Variants in DACH1 observed in about 807,000 individuals in gnomAD.
The protein encoded by DACH1 is dachshund family transcription factor 1.
DACH1 carries 12 observed loss-of-function variants against 54.2 expected under a neutral mutation model. The observed-to-expected ratio is 0.22, with a 90% CI of 0.14 to 0.36. The LOEUF (loss-of-function observed/expected upper bound fraction) is 0.36. Among genes scored for constraint, DACH1 ranks in the 10% least tolerant of loss-of-function variants. The probability of loss-of-function intolerance (pLI) is 1.00; values close to 1 mark genes in which losing one functional copy is unlikely to be tolerated. For missense variants in DACH1, 805 were observed against 929.8 expected, an observed-to-expected ratio of 0.87 and a Z score of 1.75; for synonymous variants, 386 against 366.2, an observed-to-expected ratio of 1.05 and a Z score of -0.62.
intron 1 of DACH1, among the ~76,000 whole-genome samples, chr13:71,799,172 A>G (rs1260474051): frequency 1.3e-5 from 2 of 152,160 alleles, no homozygotes; most frequent in African/African-American, 4.8e-5. Context: ...ACAGGCCCAG[A>G]AGTGTTTATT....
At chr13:71,748,529 T>A (rs1884709627) in intron 1 of DACH1, among the ~76,000 whole-genome samples, 1 of 152,156 alleles carries the variant, frequency 6.6e-6, no homozygotes, top group African/African-American at 2.4e-5. Context: ...TTTTCCATCA[T>A]CCCCAGAACA....
chr13:71,507,248 C>T (rs1445681015), intron 6 of DACH1, among the ~76,000 whole-genome samples: 4 of 152,088 alleles, frequency 2.6e-5, no homozygotes, highest in Admixed American at 6.6e-5. Context: ...TGGGAATCCT[C>T]ATAAATATAG....
intron 1 of DACH1, among the ~76,000 whole-genome samples, chr13:71,804,678 C>T (rs1256706648): frequency 2.0e-5 from 3 of 152,096 alleles, no homozygotes; most frequent in Non-Finnish European, 4.4e-5. Context: ...TCTGGAATGC[C>T]ATTAGCTCCA....
intron 3 of DACH1, among the ~76,000 whole-genome samples, chr13:71,628,849 T>C (rs773676310): frequency 7.2e-5 from 11 of 152,090 alleles, no homozygotes; most frequent in Non-Finnish European, 1.5e-4. Flanking sequence ...CAACTTCTGC[T>C]CTGGAAAATT....
intron 4 of DACH1, among the ~76,000 whole-genome samples, chr13:71,567,167 G>A (rs1884941429): frequency 6.6e-6 from 1 of 151,646 alleles, no homozygotes; most frequent in South Asian, 2.1e-4. Flanking sequence ...CACACACAGA[G>A]ACACATAACA....
At chr13:71,630,841 T>C in intron 2 of DACH1, 124 bp from the exon 3 acceptor site, 1 of 1,139,180 alleles carries the variant, frequency 8.8e-7, no homozygotes, top group Non-Finnish European at 1.2e-6. Context: ...TGCAACACTT[T>C]GATAACTTAT....
chr13:71,638,096 G>A (rs139114298), intron 2 of DACH1, among the ~76,000 whole-genome samples: 34 of 152,268 alleles, frequency 2.2e-4, no homozygotes, highest in African/African-American at 7.9e-4. Flanking sequence ...CCATATGATA[G>A]ACTTGTTATT....
chr13:71,747,213 A>T (rs78040251), intron 1 of DACH1, among the ~76,000 whole-genome samples: 8,985 of 152,076 alleles, frequency 0.059, 465 homozygotes, highest in East Asian at 0.24. Flanking sequence ...TAGATCATGT[A>T]ATGTAGTCCA....
chr13:71,442,608 C>T (rs1874104116), intron 10 of DACH1, among the ~76,000 whole-genome samples: 3 of 152,074 alleles, frequency 2.0e-5, no homozygotes, highest in Admixed American at 2.0e-4. Context: ...TACAGTAGTC[C>T]TCCCTTATCT....
At chr13:71,698,535 A>C (rs1881947132) in intron 1 of DACH1, among the ~76,000 whole-genome samples, 1 of 152,124 alleles carries the variant, frequency 6.6e-6, no homozygotes, top group South Asian at 2.1e-4. Context: ...ATAATGAGAG[A>C]GAGAGAGAGA....
In DACH1 at chr13:71,617,900, A is replaced by G. The variant is rs900273845; in HGVS notation, c.1126+12656T>C. Among the ~76,000 whole-genome samples, 5 of 152,326 alleles carry G rather than the reference A, an allele frequency of 3.3e-5. No individual in the cohort carries two copies. In the East Asian group the frequency reaches 9.6e-4, roughly 29 times the overall value. Reference sequence around the variant, plus strand: ...ATTTTTAAAAAAAATACTTAGCAGTAGCCTTTTAAAATAATTTCTGCGTTC... The same window carrying G: ...ATTTTTAAAAAAAATACTTAGCAGTGGCCTTTTAAAATAATTTCTGCGTTC... On this transcript the variant is annotated intron_variant, in intron 3 of 10. Transcript: ENST00000613252.
intron 1 of DACH1, among the ~76,000 whole-genome samples, chr13:71,709,551 T>C (rs1420570301): frequency 6.6e-6 from 1 of 152,130 alleles, no homozygotes; most frequent in African/African-American, 2.4e-5. Flanking sequence ...ACTGTGGCAG[T>C]ATCGCAGTGG....
chr13:71,529,856 G>A lies in DACH1; in HGVS notation c.1570+27168C>T, dbSNP rs564185144. Reference sequence around the variant, plus strand: ...TGATACTGTAGAAAACAAACATTTTGGGAAATAGTATTTTTAGGAAAATGG... The same window carrying A: ...TGATACTGTAGAAAACAAACATTTTAGGAAATAGTATTTTTAGGAAAATGG... On this transcript the variant is annotated intron_variant, in intron 6 of 10. Coordinates refer to ENST00000613252, the MANE Select transcript of DACH1 (RefSeq NM_080759.6). Among the ~76,000 whole-genome samples, 3 of 152,112 alleles carry A rather than the reference G, an allele frequency of 2.0e-5. No homozygotes were observed. In the South Asian group the frequency reaches 6.2e-4, roughly 32 times the overall value.
chr13:71,529,186 T>G (rs1225264501), intron 6 of DACH1, among the ~76,000 whole-genome samples: 1 of 140,820 alleles, frequency 7.1e-6, no homozygotes, highest in Non-Finnish European at 1.5e-5. Context: ...GATTTGGGTT[T>G]TTTTTTTTTT....
intron 3 of DACH1, among the ~76,000 whole-genome samples, chr13:71,613,244 G>A (rs1463861966): frequency 1.3e-5 from 2 of 152,212 alleles, no homozygotes; most frequent in Non-Finnish European, 2.9e-5. Flanking sequence ...CAGAAAGAAA[G>A]GACGTAGTCT....
intron 3 of DACH1, among the ~76,000 whole-genome samples, chr13:71,600,076 GA>G (rs1874386355): frequency 6.6e-6 from 1 of 151,950 alleles, no homozygotes. Context: ...ACAGAAAGAG[GA>G]ACTATAATTG....
At chr13:71,743,933 C>T (rs1010770786) in intron 1 of DACH1, among the ~76,000 whole-genome samples, 1 of 152,014 alleles carries the variant, frequency 6.6e-6, no homozygotes, top group African/African-American at 2.4e-5. Flanking sequence ...TTGATAAAAG[C>T]CCCCAACCCT....
chr13:71,836,323 GTC>G (rs374867140), intron 1 of DACH1, among the ~76,000 whole-genome samples: 3 of 152,026 alleles, frequency 2.0e-5, no homozygotes, highest in African/African-American at 7.2e-5. Context: ...TGGTTATTAT[GTC>G]TCTCACTGTG....
rs187720440 is a variant in DACH1 at position 71,733,792 on chromosome 13, T to C, written c.849-51882A>G. On this transcript the variant is annotated intron_variant, in intron 1 of 10. Transcript: ENST00000613252. ...AATAATTCATATTATTCTCTTAAAA[T>C]GAATGTTATATGTAATTTTGGTTCA... is the stretch of plus-strand genomic sequence containing the variant. 3.9e-5 allele frequency among the ~76,000 whole-genome samples: 6 copies of C among 152,260 alleles called. No homozygotes were observed. The East Asian group carries it at 1.2e-3, about 29-fold the overall frequency.
Sources: allele counts gnomAD v4.1 joint callset (sites outside exome capture counted in the v4.1 genomes callset), GRCh38; gene constraint gnomAD v4.1.1; transcripts MANE v1.5; gene names NCBI Gene and HGNC (gene_info 2026-07-23, HGNC 2026-07-21).